The following CLDN16 variants were observed in gnomAD, a reference collection of about 807,000 sequenced individuals.
CLDN16 encodes the protein claudin-16.
CLDN16 carries 13 observed loss-of-function variants against 24.6 expected under a neutral mutation model. That is an observed-to-expected ratio of 0.53 (90% confidence interval 0.34 to 0.84). CLDN16 has a LOEUF of 0.84. CLDN16 is among the 40% of genes least tolerant of loss of function. The probability of loss-of-function intolerance (pLI) is 0.01; values close to 1 mark genes in which losing one functional copy is unlikely to be tolerated. For synonymous variants in CLDN16, 116 were observed against 106.7 expected, an observed-to-expected ratio of 1.09 and a Z score of -0.54; for missense variants, 298 against 292.7, an observed-to-expected ratio of 1.02 and a Z score of -0.13.
intron 1 of CLDN16, among the ~76,000 whole-genome samples, chr3:190,368,166 C>A (rs1200582484): frequency 6.6e-6 from 1 of 151,910 alleles, no homozygotes; most frequent in African/African-American, 2.4e-5. Context: ...TAGAATTCAG[C>A]AGAATTGATG....
intron 1 of CLDN16, among the ~76,000 whole-genome samples, chr3:190,347,587 A>G (rs990598810): frequency 2.0e-5 from 3 of 152,214 alleles, no homozygotes; most frequent in African/African-American, 4.8e-5. Flanking sequence ...AGTTGTGAAT[A>G]AGATAGGCAA....
At chr3:190,394,057 A>G (rs1443838325) in intron 1 of CLDN16, among the ~76,000 whole-genome samples, 2 of 152,060 alleles carry the variant, frequency 1.3e-5, no homozygotes, top group Non-Finnish European at 2.9e-5. Flanking sequence ...CTGGCCACCC[A>G]TTTTTATATT....
chr3:190,407,114 A>G (rs1344285485), intron 3 of CLDN16, among the ~76,000 whole-genome samples: 3 of 152,158 alleles, frequency 2.0e-5, no homozygotes, highest in African/African-American at 7.2e-5. Flanking sequence ...TTAAATAGAT[A>G]TCACAGACTA....
upstream of CLDN16, among the ~76,000 whole-genome samples, chr3:190,386,010 G>A (rs574281080): frequency 1.6e-3 from 241 of 152,248 alleles, no homozygotes; most frequent in African/African-American, 5.6e-3. Flanking sequence ...CACTCAGGTT[G>A]AAGAACTACT....
chr3:190,403,383 T>C (rs1343158158), intron 2 of CLDN16, among the ~76,000 whole-genome samples: 1 of 152,172 alleles, frequency 6.6e-6, no homozygotes, highest in African/African-American at 2.4e-5. Context: ...GCAGAGCCCA[T>C]GTTGCTATGA....
At position 190,408,500 on chromosome 3, in the gene CLDN16, T is replaced by C; in HGVS notation, c.569T>C (p.Phe190Ser). ...GAVLTCCLYL[F>S]KDVGPERNYP... ...GTTCTCACCTGCTGCTTATATCTTT[T>C]TAAAGGTAAGAATAAAATAAAATAG... Residue 190 changes from phenylalanine to serine, a missense_variant, in exon 4 of 5, where the codon TTT (phenylalanine) becomes TCT (serine). Phe to Ser is a radical substitution (Grantham distance 155). Transcript: ENST00000264734. 6.2e-7 allele frequency: 1 copy of C among 1,613,868 alleles called. No individual in the cohort carries two copies. The highest frequency in any genetic ancestry group is 8.5e-7 in the Non-Finnish European group (1 of 1,179,844).
upstream of CLDN16, among the ~76,000 whole-genome samples, chr3:190,387,121 A>G (rs1199666251): frequency 1.3e-5 from 2 of 152,044 alleles, no homozygotes; most frequent in Middle Eastern, 3.2e-3. Context: ...TACATTAAGA[A>G]TCACCACTTT....
intron 3 of CLDN16, among the ~76,000 whole-genome samples, chr3:190,378,624 T>C (rs1013541726): frequency 6.6e-6 from 1 of 152,218 alleles, no homozygotes; most frequent in South Asian, 2.1e-4. Flanking sequence ...GTATGAGTCC[T>C]GCTGTCGGAT....
At chr3:190,322,357 C>T, upstream of CLDN16, 1 of 749,432 alleles carries the variant, frequency 1.3e-6, no homozygotes, top group Non-Finnish European at 2.3e-6. Context: ...GCTGGAGAAG[C>T]TCTGGGTCGG....
chr3:190,381,881 T>A (rs1718379674), intron 3 of CLDN16, among the ~76,000 whole-genome samples: 1 of 152,038 alleles, frequency 6.6e-6, no homozygotes, highest in Admixed American at 6.6e-5. Context: ...AATCTTACCA[T>A]TTGCATAGTC....
upstream of CLDN16, chr3:190,322,321 C>A (rs1212634329): frequency 4.2e-6 from 4 of 946,764 alleles, no homozygotes; most frequent in African/African-American, 3.2e-5. Flanking sequence ...GAAGTTAAGG[C>A]GGGGAGCCCT....
intron 1 of CLDN16, among the ~76,000 whole-genome samples, chr3:190,355,017 GT>G (rs762837145): frequency 6.6e-6 from 1 of 151,906 alleles, no homozygotes; most frequent in Non-Finnish European, 1.5e-5. Context: ...TATTCTAATG[GT>G]TTTTTCTTGG....
rs911369572 is a variant in CLDN16 at position 190,404,804 on chromosome 3, T to C, written c.260T>C (p.Ile87Thr). 2 of 1,614,196 alleles carry C rather than the reference T, an allele frequency of 1.2e-6. No individual in the cohort carries two copies. Among genetic ancestry groups the C allele is most frequent in the South Asian group, 1.1e-5 (1 of 91,090 alleles). The change falls in exon 3 of 5, where the codon ATT becomes ACT. Residue 87 changes from isoleucine to threonine, a missense_variant. Transcript: ENST00000264734. ...VTRALMITAD[I>T]LAGFGFLTLL... ...CGAGCGTTGATGATTACTGCAGATA[T>C]TCTAGCTGGGTTTGGATTTCTCACC...
intron 1 of CLDN16, among the ~76,000 whole-genome samples, chr3:190,401,570 G>A (rs1422836698): frequency 1.3e-5 from 2 of 152,122 alleles, no homozygotes; most frequent in African/African-American, 4.8e-5. Flanking sequence ...GTGACTTACG[G>A]TTTGTAGATA....
intron 1 of CLDN16, among the ~76,000 whole-genome samples, chr3:190,335,791 A>T (rs1717290826): frequency 6.6e-6 from 1 of 151,900 alleles, no homozygotes; most frequent in African/African-American, 2.4e-5. Context: ...TGTCTCAGAC[A>T]CTGATTCTAG....
At chr3:190,292,702 A>G in the CLDN16 span, among the ~76,000 whole-genome samples, 2 of 152,224 alleles carry the variant, frequency 1.3e-5, no homozygotes, top group Non-Finnish European at 1.5e-5. Context: ...TCTCAAGTTT[A>G]AAGTTCCACA....
At chr3:190,388,117 A>T (rs200322099), upstream of CLDN16, 692 of 1,613,746 alleles carry the variant, frequency 4.3e-4, 1 homozygote, top group African/African-American at 7.8e-3. Context: ...GTTGCTTCGG[A>T]TAATGACCTC....
At chr3:190,334,222 G>A (rs761778035) in intron 1 of CLDN16, among the ~76,000 whole-genome samples, 1 of 152,222 alleles carries the variant, frequency 6.6e-6, no homozygotes, top group Admixed American at 6.5e-5. Context: ...ATACGTGTGT[G>A]TTTAGCACAA....
chr3:190,313,744 A>G, the CLDN16 span, among the ~76,000 whole-genome samples: 2 of 152,356 alleles, frequency 1.3e-5, no homozygotes, highest in African/African-American at 4.8e-5. Context: ...ATGTTGTAAA[A>G]TAGCACACAC....
Sources: allele counts gnomAD v4.1 joint callset (sites outside exome capture counted in the v4.1 genomes callset), GRCh38; gene constraint gnomAD v4.1.1; transcripts MANE v1.5; gene names NCBI Gene and HGNC (gene_info 2026-07-23, HGNC 2026-07-21).